Variants in IL17RC observed in about 807,000 individuals in gnomAD.
IL17RC encodes the protein interleukin 17 receptor C, also known as interleukin-17 receptor C.
A neutral mutation model predicts 86.7 loss-of-function variants in IL17RC; 53 were observed. That is an observed-to-expected ratio of 0.61 (90% confidence interval 0.49 to 0.77). IL17RC has a LOEUF of 0.77. IL17RC is among the 30% of genes least tolerant of loss of function. The pLI is 0.00. For missense variants in IL17RC, 957 were observed against 940.0 expected (o/e 1.02, Z -0.24); for synonymous variants, 439 against 413.1 (o/e 1.06, Z -0.76).
At chr3:9,932,564 C>G (rs751863142) in intron 16 of IL17RC, 44 bp from the exon 17 acceptor site, 2 of 1,549,064 alleles carry the variant, frequency 1.3e-6, no homozygotes, top group African/African-American at 2.7e-5. Flanking sequence ...TTTTTCTTCT[C>G]TGTGGAGGGT....
At chr3:9,917,687 C>T in intron 1 of IL17RC, 26 bp from the exon 2 acceptor site, 2 of 1,613,816 alleles carry the variant, frequency 1.2e-6, no homozygotes, top group Non-Finnish European at 1.7e-6. Context: ...GGCACAAATT[C>T]TGACTCTCCT....
rs376352399 is a variant in IL17RC at position 9,917,972 on chromosome 3, C to T, written c.177C>T (p.Pro59=). The change falls in exon 3 of 19, where the codon CCC becomes CCT. Residue 59 remains proline (P), a synonymous_variant. Transcript: ENST00000403601. ...LPGDIVPAPG[P]VLAPTHLQTE... Reference sequence around the variant, plus strand: ...GGGACATCGTGCCTGCTCCGGGCCCCGTGCTGGCGCCTACGCACCTGCAGA... The same window carrying T: ...GGGACATCGTGCCTGCTCCGGGCCCTGTGCTGGCGCCTACGCACCTGCAGA... 1.2e-5 allele frequency: 20 copies of T among 1,613,676 alleles called. No individual in the cohort carries two copies. The highest frequency in any genetic ancestry group is 3.3e-5 in the Admixed American group (2 of 60,012).
In IL17RC at chr3:9,930,076, G is replaced by T. The variant is rs754805598; in HGVS notation, c.1205G>T (p.Gly402Val). Reference sequence around the variant, plus strand: ...GATGTGCTACTGTTGGAGACACGAGGCCCCCAGGACAACAGATCCCTCTGT... The same window carrying T: ...GATGTGCTACTGTTGGAGACACGAGTCCCCCAGGACAACAGATCCCTCTGT... ...KDDVLLLETRGPQDNRSLCAL... is the reference protein window; with the variant it reads ...KDDVLLLETRVPQDNRSLCAL... Residue 402 changes from glycine to valine, a missense_variant, in exon 14 of 19, where the codon GGC becomes GTC. By Grantham distance (109) the Gly-to-Val change is moderately radical. Transcript: ENST00000403601. The surrounding 1 kb of genome is among the most constrained non-coding windows in gnomAD (Gnocchi z 5.8). The T allele has an allele frequency of 3.1e-6, 5 of 1,614,072 alleles. No individual in the cohort carries two copies. Among genetic ancestry groups the T allele is most frequent in the Non-Finnish European group, 4.2e-6 (5 of 1,180,004 alleles).
At chr3:9,929,766 G>A (rs1184207386) in intron 12 of IL17RC, 86 bp from the exon 13 acceptor site, 3 of 1,436,074 alleles carry the variant, frequency 2.1e-6, no homozygotes, top group Non-Finnish European at 2.0e-6. Context: ...AACCCAACAG[G>A]CCTTCTGTTG....
intron 16 of IL17RC, among the ~76,000 whole-genome samples, chr3:9,932,016 A>G (rs1575606358): frequency 1.3e-5 from 2 of 152,232 alleles, no homozygotes; most frequent in Middle Eastern, 3.4e-3. Flanking sequence ...TGTGTTAAGT[A>G]TGTATTAACA....
At chr3:9,921,562 G>A (rs1176897840) in intron 7 of IL17RC, among the ~76,000 whole-genome samples, 39 of 151,570 alleles carry the variant, frequency 2.6e-4, no homozygotes, top group Admixed American at 2.4e-3. Flanking sequence ...TTTTCGTTTT[G>A]TATTTTCTTT....
chr3:9,927,381 A>G (rs2084182589), intron 9 of IL17RC, among the ~76,000 whole-genome samples: 1 of 151,970 alleles, frequency 6.6e-6, no homozygotes, highest in East Asian at 1.9e-4. Context: ...AACATAGTGA[A>G]ACCCAGTCTC....
Position 9,918,536 on chromosome 3 carries a change from C to T in IL17RC, c.392C>T (p.Ala131Val). The stretch of plus-strand genomic sequence containing the variant: ...GCCCAAGTCGTGCTCTCCTTCCAGG[C>T]CTACCCTACTGCCCGCTGCGTCCTG... Reference protein sequence around the residue: ...LQAQVVLSFQAYPTARCVLLE... With the variant: ...LQAQVVLSFQVYPTARCVLLE... The change falls in exon 5 of 19, where the codon GCC becomes GTC. Residue 131 changes from alanine (A) to valine (V), a missense_variant. Coordinates refer to ENST00000403601, the MANE Select transcript of IL17RC (RefSeq NM_153460.4). 1 of 1,614,194 alleles carries T rather than the reference C, an allele frequency of 6.2e-7. No individual in the cohort carries two copies. Among genetic ancestry groups the T allele is most frequent in the South Asian group, 1.1e-5 (1 of 91,072 alleles).
At chr3:9,921,663 C>T (rs1244725928) in intron 7 of IL17RC, among the ~76,000 whole-genome samples, 4 of 142,574 alleles carry the variant, frequency 2.8e-5, no homozygotes, top group African/African-American at 8.0e-5. Context: ...CTCGCTCTGT[C>T]GCTCAGGCTG....
chr3:9,931,484 T>C (rs147947202), intron 16 of IL17RC, among the ~76,000 whole-genome samples: 6,237 of 22,970 alleles, frequency 0.27, 632 homozygotes, highest in African/African-American at 0.34. Context: ...TATATATATA[T>C]ATATATATAT....
intron 12 of IL17RC, chr3:9,928,886 G>T: frequency 1.9e-6 from 1 of 516,066 alleles, no homozygotes; most frequent in Non-Finnish European, 3.4e-6. Context: ...TGAAATAAGA[G>T]AAGTGCTTCC....
chr3:9,931,470 C>CACACACACATATATATATATATAT (rs750351615), intron 16 of IL17RC, among the ~76,000 whole-genome samples: 4 of 43,734 alleles, frequency 9.1e-5, no homozygotes, highest in Non-Finnish European at 1.9e-4. Flanking sequence ...CACACACACA[C>CACACACACATATATATATATATAT]ATATATATAT....
chr3:9,917,665 C>T, intron 1 of IL17RC, 48 bp from the exon 2 acceptor site: 1 of 1,613,888 alleles, frequency 6.2e-7, no homozygotes, highest in Non-Finnish European at 8.5e-7. Context: ...AGAACAGTGC[C>T]TAGATGGTGG....
chr3:9,932,637 C>T lies in IL17RC; in HGVS notation c.1417C>T (p.Leu473=). ...CCACAAGCGCTGGGCCCTCGTGTGG[C>T]TGGCCTGCCTACTCTTTGCCGCTGC... is the stretch of plus-strand genomic sequence containing the variant. The part of the protein sequence containing the change: ...YIHKRWALVW[L]ACLLFAAALS... The change falls in exon 17 of 19, where the codon CTG becomes TTG. Residue 473 remains leucine (L), a synonymous_variant. Coordinates refer to ENST00000403601, the MANE Select transcript of IL17RC (RefSeq NM_153460.4). The T allele has an allele frequency of 6.2e-7, 1 of 1,614,230 alleles. No individual in the cohort carries two copies.
intron 7 of IL17RC, among the ~76,000 whole-genome samples, chr3:9,923,069 G>A (rs1225833066): frequency 1.3e-5 from 2 of 151,694 alleles, no homozygotes; most frequent in Admixed American, 6.6e-5. Flanking sequence ...CCAGCTACTC[G>A]GGAGCCTGAG....
intron 16 of IL17RC, among the ~76,000 whole-genome samples, chr3:9,932,259 C>T (rs979240109): frequency 1.3e-5 from 2 of 152,200 alleles, no homozygotes; most frequent in African/African-American, 4.8e-5. Context: ...AGGAGTCTCA[C>T]CCTGTCGCCC....
Position 9,930,040 on chromosome 3 carries a change from C to T in IL17RC, c.1169C>T (p.Pro390Leu). 1.2e-6 allele frequency: 2 copies of T among 1,614,050 alleles called. No individual in the cohort carries two copies. Among genetic ancestry groups the T allele is most frequent in the Non-Finnish European group, 1.7e-6 (2 of 1,179,998 alleles). ...QECLWADSLGPLKDDVLLLET... is the reference protein window; with the variant it reads ...QECLWADSLGLLKDDVLLLET... Reference sequence around the variant, plus strand: ...TCACCCCTTCCAGACTCCCTGGGGCCTCTCAAAGACGATGTGCTACTGTTG... The same window carrying T: ...TCACCCCTTCCAGACTCCCTGGGGCTTCTCAAAGACGATGTGCTACTGTTG... Residue 390 changes from proline to leucine, a missense_variant, in exon 14 of 19, where the codon CCT becomes CTT. Transcript: ENST00000403601. This position sits in a 1 kb window ranked among gnomAD's most constrained non-coding sequence, Gnocchi z 5.8.
Position 9,932,628 on chromosome 3 carries a change from C to T in IL17RC, c.1408C>T (p.Leu470Phe), listed in dbSNP as rs2084851757. 1 of 1,614,144 alleles carries T rather than the reference C, an allele frequency of 6.2e-7. No individual in the cohort carries two copies. Among genetic ancestry groups the T allele is most frequent in the Non-Finnish European group, 8.5e-7 (1 of 1,179,996 alleles). Residue 470 changes from leucine (L) to phenylalanine (F), a missense_variant, in exon 17 of 19, where the codon CTC (leucine) becomes TTC (phenylalanine). Coordinates refer to ENST00000403601, the MANE Select transcript of IL17RC (RefSeq NM_153460.4). ...CCCAGACATCCACAAGCGCTGGGCC[C>T]TCGTGTGGCTGGCCTGCCTACTCTT... ...MDKYIHKRWA[L>F]VWLACLLFAA...
chr3:9,933,218 G>C lies in IL17RC; in HGVS notation c.1788G>C (p.Gly596=). The C allele has an allele frequency of 6.2e-7, 1 of 1,607,732 alleles. No homozygotes were observed. Among genetic ancestry groups the C allele is most frequent in the Non-Finnish European group, 8.5e-7 (1 of 1,177,706 alleles). ...TGTGCAGCGAGTGGCTACAGGATGGGGTGTCCGGGCCCGGGGCGCACGGCC... is the reference window on the plus strand; with the variant it reads ...TGTGCAGCGAGTGGCTACAGGATGGCGTGTCCGGGCCCGGGGCGCACGGCC... The part of the protein sequence containing the change: ...VALCSEWLQD[G]VSGPGAHGPH... The change falls in exon 19 of 19, where the codon GGG becomes GGC. Residue 596 remains glycine, a synonymous_variant. Coordinates refer to ENST00000403601, the MANE Select transcript of IL17RC (RefSeq NM_153460.4).
Sources: gnomAD v4.1 joint callset for allele counts (sites outside exome capture counted in the v4.1 genomes callset) on GRCh38, gnomAD v4.1.1 for gene constraint, Gnocchi (gnomAD v3.1) non-coding constraint, MANE v1.5 for transcripts, NCBI Gene and HGNC (gene_info 2026-07-23, HGNC 2026-07-21) for gene names.